Variants in KCNK9 observed in about 807,000 individuals in gnomAD.
KCNK9 encodes potassium channel subfamily K member 9.
KCNK9 carries 1 observed loss-of-function variant against 10.8 expected under a neutral mutation model. That is an observed-to-expected ratio of 0.09 (90% confidence interval 0.03 to 0.44). The LOEUF is 0.44. Ranked by LOEUF, KCNK9 falls within the 20% of genes least tolerant of loss-of-function variation. The pLI is 0.97. For synonymous variants in KCNK9, 231 were observed against 222.7 expected (o/e 1.04, Z -0.33); for missense variants, 303 against 515.0 (o/e 0.59, Z 3.98).
At chr8:139,610,297 A>G (rs1814380794), downstream of KCNK9, among the ~76,000 whole-genome samples, 2 of 152,148 alleles carry the variant, frequency 1.3e-5, no homozygotes, top group Admixed American at 1.3e-4. Flanking sequence ...GGGTGAGGGG[A>G]ACAAGTGCCC....
intron 1 of KCNK9, among the ~76,000 whole-genome samples, chr8:139,626,756 A>G (rs138667117): frequency 1.3e-4 from 20 of 152,354 alleles, no homozygotes; most frequent in Non-Finnish European, 2.2e-4. Context: ...CTGCTGGAAG[A>G]GAATGAAATA....
At chr8:139,661,180 C>T (rs886524474) in intron 1 of KCNK9, among the ~76,000 whole-genome samples, 1 of 152,196 alleles carries the variant, frequency 6.6e-6, no homozygotes, top group Non-Finnish European at 1.5e-5. Flanking sequence ...CCATGCTGAC[C>T]CAGTCTTAGA....
At chr8:139,657,909 C>A (rs967993100) in intron 1 of KCNK9, among the ~76,000 whole-genome samples, 1 of 152,184 alleles carries the variant, frequency 6.6e-6, no homozygotes, top group African/African-American at 2.4e-5. Context: ...CTGGCCCCTG[C>A]TCCCAGGATT....
chr8:139,648,642 G>A (rs1048808066), intron 1 of KCNK9, among the ~76,000 whole-genome samples: 4 of 152,152 alleles, frequency 2.6e-5, no homozygotes, highest in African/African-American at 7.2e-5. Context: ...GCTGTGTCTC[G>A]GCCTAGAGCC....
At chr8:139,612,476 C>T (rs953954358), downstream of KCNK9, 4 of 152,194 alleles carry the variant, frequency 2.6e-5, no homozygotes, top group Non-Finnish European at 5.9e-5. Context: ...TTGCGGGGAC[C>T]CTCACATCGA....
At position 139,606,137 on chromosome 8, in the gene KCNK9, C is replaced by T. The variant is rs748059718; in HGVS notation, c.*1-4536G>A. On this transcript the variant is annotated intron_variant, in intron 2 of 2. Coordinates refer to the KCNK9 transcript ENST00000650269. ...GACCACAATGGGCCTGTTCAAATCCCGCTCACCAAGGGAGGAAGGTGGGTC... is the reference window on the plus strand; with the variant it reads ...GACCACAATGGGCCTGTTCAAATCCTGCTCACCAAGGGAGGAAGGTGGGTC... Among the ~76,000 whole-genome samples the T allele has an allele frequency of 3.9e-5, 6 of 152,208 alleles. No individual in the cohort carries two copies. In the South Asian group the frequency reaches 1.0e-3, roughly 26 times the overall value.
intron 1 of KCNK9, among the ~76,000 whole-genome samples, chr8:139,701,611 C>T (rs748912750): frequency 1.3e-5 from 2 of 152,046 alleles, no homozygotes; most frequent in Non-Finnish European, 2.9e-5. Context: ...GGAAACAGAC[C>T]ACCCCCACTA....
rs558423807 is a variant in KCNK9, at chr8:139,629,298, A to C, written c.284-10199T>G. Among the ~76,000 whole-genome samples, 12 of 152,360 alleles carry C rather than the reference A, an allele frequency of 7.9e-5. No homozygotes were observed. The East Asian group carries it at 2.3e-3, about 29-fold the overall frequency. ...CTGGGGAGGGCAGAAAGGCCTACAC[A>C]GCGTGCCCCAAGATGTTCTCCACTC... On this transcript the variant is annotated intron_variant, in intron 1 of 1. Transcript: ENST00000520439.
chr8:139,656,423 C>T (rs1338475102), intron 1 of KCNK9, among the ~76,000 whole-genome samples: 4 of 152,146 alleles, frequency 2.6e-5, no homozygotes, highest in East Asian at 1.9e-4. Flanking sequence ...GTCTTCCCCA[C>T]GCCGCTCCCT....
intron 2 of KCNK9, chr8:139,602,071 A>C (rs1817382925): frequency 1.3e-5 from 2 of 152,348 alleles, no homozygotes; most frequent in Non-Finnish European, 2.9e-5. Flanking sequence ...TCAGTGCAAC[A>C]GAAGGAAAGA....
intron 1 of KCNK9, among the ~76,000 whole-genome samples, chr8:139,700,167 A>G (rs1563757025): frequency 1.3e-5 from 2 of 152,222 alleles, no homozygotes; most frequent in African/African-American, 4.8e-5. Flanking sequence ...TTCTTAGGGC[A>G]GAGAGCGGAG....
chr8:139,663,420 T>C (rs576111946), intron 1 of KCNK9, among the ~76,000 whole-genome samples: 1 of 151,872 alleles, frequency 6.6e-6, no homozygotes, highest in Admixed American at 6.5e-5. Flanking sequence ...CTGGGCCCCA[T>C]CTAGACCCTC....
At chr8:139,606,959 T>G (rs1259609068) in intron 2 of KCNK9, among the ~76,000 whole-genome samples, 1 of 152,156 alleles carries the variant, frequency 6.6e-6, no homozygotes, top group Non-Finnish European at 1.5e-5. Flanking sequence ...CATAAGGTCC[T>G]TCTCCCCCAC....
At chr8:139,700,211 C>T (rs897418166) in intron 1 of KCNK9, among the ~76,000 whole-genome samples, 6 of 152,194 alleles carry the variant, frequency 3.9e-5, no homozygotes, top group African/African-American at 1.2e-4. Context: ...GCGTGGATTC[C>T]GTTCCTACTA....
chr8:139,624,980 C>T (rs927531959), intron 1 of KCNK9, among the ~76,000 whole-genome samples: 1 of 152,216 alleles, frequency 6.6e-6, no homozygotes, highest in Non-Finnish European at 1.5e-5. Flanking sequence ...TGGGAGGACC[C>T]CTCTACTTCC....
At chr8:139,688,645 C>T (rs1232592631) in intron 1 of KCNK9, among the ~76,000 whole-genome samples, 1 of 152,218 alleles carries the variant, frequency 6.6e-6, no homozygotes. Context: ...AATGACCGAT[C>T]CTGGGTTGGG....
chr8:139,676,859 C>A (rs139880114), intron 1 of KCNK9, among the ~76,000 whole-genome samples: 25 of 152,052 alleles, frequency 1.6e-4, no homozygotes, highest in African/African-American at 4.6e-4. Context: ...GGCTGAGGCA[C>A]GAGAATCATT....
chr8:139,608,379 C>G (rs576001661), downstream of KCNK9, among the ~76,000 whole-genome samples: 92 of 152,356 alleles, frequency 6.0e-4, no homozygotes, highest in Non-Finnish European at 1.1e-3. Context: ...TTTCCACCCC[C>G]CAATCCTTCC....
intron 1 of KCNK9, among the ~76,000 whole-genome samples, chr8:139,676,855 G>A (rs1816561416): frequency 6.6e-6 from 1 of 152,186 alleles, no homozygotes; most frequent in Non-Finnish European, 1.5e-5. Flanking sequence ...GGGAGGCTGA[G>A]GCACGAGAAT....
Sources: allele counts gnomAD v4.1 joint callset (sites outside exome capture counted in the v4.1 genomes callset), GRCh38; gene constraint gnomAD v4.1.1; transcripts MANE v1.5; gene names NCBI Gene and HGNC (gene_info 2026-07-23, HGNC 2026-07-21).